Variants in ANK1 observed in about 807,000 individuals in gnomAD.
The protein encoded by ANK1 is ankyrin-1.
In ANK1, 51 loss-of-function variants were observed where a neutral mutation model predicts 210.4. That is an observed-to-expected ratio of 0.24 (90% CI 0.19 to 0.31). The LOEUF is 0.31. Among genes scored for constraint, ANK1 ranks in the 10% least tolerant of loss-of-function variants. The probability of loss-of-function intolerance (pLI) is 1.00; values close to 1 mark genes in which losing one functional copy is unlikely to be tolerated. For synonymous variants in ANK1, 967 were observed against 1,025.9 expected (o/e 0.94, Z 1.10); for missense variants, 2,051 against 2,504.4 (o/e 0.82, Z 3.86).
intron 37 of ANK1, among the ~76,000 whole-genome samples, chr8:41,681,340 T>C (rs1297650848): frequency 6.6e-6 from 1 of 152,244 alleles, no homozygotes; most frequent in African/African-American, 2.4e-5. Flanking sequence ...CATGCTATTT[T>C]ATTTTGGATC....
intron 3 of ANK1, among the ~76,000 whole-genome samples, chr8:41,730,146 AG>A (rs1401312352): frequency 1.3e-5 from 2 of 152,206 alleles, no homozygotes; most frequent in African/African-American, 2.4e-5. Flanking sequence ...CTGGAGGAAA[AG>A]CTTCCTCACT....
At chr8:41,811,242 G>C (rs1391058106) in intron 1 of ANK1, among the ~76,000 whole-genome samples, 1 of 152,166 alleles carries the variant, frequency 6.6e-6, no homozygotes, top group Non-Finnish European at 1.5e-5. Context: ...CTGAGGAAGG[G>C]AGCGGGGGTT....
chr8:41,741,777 C>A (rs1453604032), intron 2 of ANK1, among the ~76,000 whole-genome samples: 6 of 152,130 alleles, frequency 3.9e-5, no homozygotes, highest in Admixed American at 1.3e-4. Context: ...AATTATCGAG[C>A]TTTTTGTCAT....
intron 3 of ANK1, among the ~76,000 whole-genome samples, chr8:41,733,280 G>A (rs1244130140): frequency 3.3e-5 from 5 of 152,148 alleles, no homozygotes; most frequent in Admixed American, 2.0e-4. Flanking sequence ...CAGATCGTTA[G>A]CGAGGAGAGG....
intron 1 of ANK1, among the ~76,000 whole-genome samples, chr8:41,841,708 T>TA (rs1368942365): frequency 3.3e-5 from 5 of 152,166 alleles, no homozygotes; most frequent in Non-Finnish European, 7.4e-5. Flanking sequence ...TTTTTTTTTG[T>TA]ATATCAATTA....
At chr8:41,720,342 T>C (rs1209868008) in intron 9 of ANK1, among the ~76,000 whole-genome samples, 1 of 152,156 alleles carries the variant, frequency 6.6e-6, no homozygotes, top group Non-Finnish European at 1.5e-5. Flanking sequence ...TTTGAATGAA[T>C]GAATGAATGA....
In ANK1 at chr8:41,832,329, C is replaced by T. The variant is rs188494055; in HGVS notation, c.126+64026G>A. Among the ~76,000 whole-genome samples the T allele has an allele frequency of 4.0e-3, 604 of 152,206 alleles. 5 individuals are homozygous for T. Among genetic ancestry groups the T allele is most frequent in the African/African-American group, 0.014 (573 of 41,498 alleles). On this transcript the variant is annotated intron_variant, in intron 1 of 42. Transcript: ENST00000265709. ...CCTCCCTCCCCACTGCCACTTCCCA[C>T]CAGCCTCACGCACGGGCCAGGCCCT...
intron 3 of ANK1, among the ~76,000 whole-genome samples, chr8:41,733,760 C>T (rs1304535113): frequency 6.6e-6 from 1 of 152,144 alleles, no homozygotes; most frequent in Non-Finnish European, 1.5e-5. Flanking sequence ...AGATACGTAA[C>T]CTAGTGATGA....
intron 1 of ANK1, among the ~76,000 whole-genome samples, chr8:41,804,682 A>G (rs970245854): frequency 3.3e-5 from 5 of 152,202 alleles, no homozygotes; most frequent in African/African-American, 1.2e-4. Flanking sequence ...TGCTCAGGCT[A>G]CCAGTTTAGG....
intron 15 of ANK1, among the ~76,000 whole-genome samples, chr8:41,714,700 TG>T (rs1441347726): frequency 6.6e-6 from 1 of 151,730 alleles, no homozygotes; most frequent in African/African-American, 2.4e-5. Flanking sequence ...TCTCTATAAT[TG>T]TTTTTTTAAG....
chr8:41,894,501 CAG>C (rs777452184), intron 1 of ANK1, among the ~76,000 whole-genome samples: 2 of 151,860 alleles, frequency 1.3e-5, no homozygotes. Flanking sequence ...ATTTGGAATT[CAG>C]AGTTATATTA....
At chr8:41,715,509 C>A in intron 14 of ANK1, 143 bp downstream of exon 14, 2 of 1,094,984 alleles carry the variant, frequency 1.8e-6, no homozygotes, top group Non-Finnish European at 1.3e-6. Context: ...CAGGTGGTGG[C>A]CAGCCCTGAG....
At chr8:41,718,055 G>A (rs1427101993) in intron 11 of ANK1, 51 bp downstream of exon 11, 1 of 1,564,336 alleles carries the variant, frequency 6.4e-7, no homozygotes, top group African/African-American at 1.4e-5. Flanking sequence ...GAGAAGGTGG[G>A]TCGGGGGAGA....
At chr8:41,702,574 T>C (rs1823153378) in intron 20 of ANK1, among the ~76,000 whole-genome samples, 1 of 152,216 alleles carries the variant, frequency 6.6e-6, no homozygotes, top group Non-Finnish European at 1.5e-5. Context: ...GGTATTAAAA[T>C]AGTTGAATTA....
intron 41 of ANK1, 95 bp downstream of exon 41, chr8:41,661,781 G>T: frequency 6.2e-7 from 1 of 1,612,968 alleles, no homozygotes. Flanking sequence ...GGTCCCCCAG[G>T]GCCGCGGGCG....
chr8:41,749,946 C>A (rs1239574735), intron 2 of ANK1, among the ~76,000 whole-genome samples: 2 of 152,224 alleles, frequency 1.3e-5, no homozygotes, highest in Non-Finnish European at 2.9e-5. Flanking sequence ...CTCCCCAAAT[C>A]CAAAGTCATA....
In ANK1 at chr8:41,797,444, A is replaced by G. The variant is rs1848966255; in HGVS notation, c.27+68T>C. Reference sequence around the variant, plus strand: ...AGCTGCTCTTGCTCGCGTGCTGCCTACTGGCGCGGCCTGGGTGGCCCCCTC... The same window carrying G: ...AGCTGCTCTTGCTCGCGTGCTGCCTGCTGGCGCGGCCTGGGTGGCCCCCTC... On this transcript the variant is annotated intron_variant, in intron 1 of 42. Transcript: ENST00000289734. This position sits in a 1 kb window ranked among gnomAD's most constrained non-coding sequence, Gnocchi z 4.0. The G allele has an allele frequency of 6.9e-7, 1 of 1,442,066 alleles. No individual in the cohort carries two copies. 89.3% of individuals were successfully genotyped at this position (1,442,066 alleles called of 1,614,324 possible). A position where few individuals can be genotyped will look rare whatever the true frequency, so the allele number is the denominator to read the frequency against.
intron 42 of ANK1, among the ~76,000 whole-genome samples, chr8:41,658,347 G>A (rs1309287952): frequency 6.6e-6 from 1 of 152,188 alleles, no homozygotes. Flanking sequence ...GAGCATATAT[G>A]TTCTTATTTA....
chr8:41,847,010 C>T (rs1810192127), intron 1 of ANK1, among the ~76,000 whole-genome samples: 1 of 152,212 alleles, frequency 6.6e-6, no homozygotes, highest in Non-Finnish European at 1.5e-5. Flanking sequence ...CACACACAGC[C>T]CTTGAGGCCA....
Sources: allele counts gnomAD v4.1 joint callset (sites outside exome capture counted in the v4.1 genomes callset), GRCh38; gene constraint gnomAD v4.1.1; non-coding constraint Gnocchi (gnomAD v3.1); transcripts MANE v1.5; gene names NCBI Gene and HGNC (gene_info 2026-07-23, HGNC 2026-07-21).